GAS7: variants seen among roughly 807,000 people sequenced by gnomAD.
GAS7 encodes the protein growth arrest-specific protein 7.
GAS7 carries 28 observed loss-of-function variants against 71.1 expected under a neutral mutation model. The ratio of observed to expected loss-of-function variants is 0.39; its 90% CI spans 0.29 to 0.54. The LOEUF (loss-of-function observed/expected upper bound fraction) is 0.54. GAS7 is among the 20% of genes least tolerant of loss of function. The pLI, the probability that GAS7 is intolerant of heterozygous loss-of-function variation, is 0.62. For synonymous variants in GAS7, 258 were observed against 245.8 expected (o/e 1.05, Z -0.46); for missense variants, 436 against 627.8 (o/e 0.69, Z 3.27).
chr17:10,162,584 G>T (rs1023210622), intron 1 of GAS7, among the ~76,000 whole-genome samples: 1 of 152,084 alleles, frequency 6.6e-6, no homozygotes, highest in Non-Finnish European at 1.5e-5. Context: ...CATGTCACTG[G>T]CTATTTACTG....
chr17:10,094,037 G>C (rs1311726496), intron 1 of GAS7, among the ~76,000 whole-genome samples: 1 of 152,142 alleles, frequency 6.6e-6, no homozygotes, highest in East Asian at 1.9e-4. Context: ...TTGCAAATAG[G>C]GGACAACTCT....
rs189427821 is a variant in GAS7, at chr17:9,988,240, G to A, written c.305-6356C>T. 1.3e-3 allele frequency among the ~76,000 whole-genome samples: 195 copies of A among 152,322 alleles called. 1 individual carries two copies. Among genetic ancestry groups the A allele is most frequent in the Admixed American group, 1.6e-3 (25 of 15,300 alleles). On this transcript the variant is annotated intron_variant, in intron 2 of 13. Coordinates refer to ENST00000432992, the MANE Select transcript of GAS7 (RefSeq NM_201433.2). The stretch of plus-strand genomic sequence containing the variant: ...CCTTGCCCTGTAGTCCTCACAAGGA[G>A]GGTCTGCCTAGCTATGGCCAGGTTT...
chr17:10,126,394 GCA>G lies in GAS7; in HGVS notation c.183+71812_183+71813del, dbSNP rs566817469. On this transcript the variant is annotated intron_variant, in intron 1 of 13. Coordinates refer to ENST00000432992, the MANE Select transcript of GAS7 (RefSeq NM_201433.2). ...CACACACCCACACACTCACGCACAT[GCA>G]CACACAAACGTGCAAACACGCACAC... Among the ~76,000 whole-genome samples the G allele has an allele frequency of 4.0e-4, 49 of 122,132 alleles. 1 individual carries two copies. In the East Asian group the frequency reaches 0.012, roughly 31 times the overall value. The allele number at this position is 122,132 out of a possible 152,430, so 80.1% of individuals were successfully genotyped here.
intron 1 of GAS7, among the ~76,000 whole-genome samples, chr17:10,126,435 TGC>T (rs1491301704): frequency 6.8e-6 from 1 of 147,214 alleles, no homozygotes; most frequent in South Asian, 2.1e-4. Context: ...AACACGCAGA[TGC>T]ACACACGCGC....
At position 10,034,013 on chromosome 17, in the gene GAS7, C is replaced by A; in HGVS notation, c.184-14116G>T. 1.9e-6 allele frequency: 1 copy of A among 520,522 alleles called. No homozygotes were observed. Among genetic ancestry groups the A allele is most frequent in the Non-Finnish European group, 2.5e-6 (1 of 405,044 alleles). 32.2% of individuals were successfully genotyped at this position (520,522 alleles called of 1,614,324 possible). A position where few individuals can be genotyped will look rare whatever the true frequency, so the allele number is the denominator to read the frequency against. ...AGTAAGGGGTGCAATTCTCACCAAC[C>A]CGATTCAACTAACATTTCTGGAGCT... On this transcript the variant is annotated intron_variant, in intron 1 of 13. Transcript: ENST00000432992. The surrounding 1 kb of genome is among the most constrained non-coding windows in gnomAD (Gnocchi z 4.4).
At chr17:9,961,311 C>T (rs2069482866) in intron 4 of GAS7, among the ~76,000 whole-genome samples, 1 of 152,164 alleles carries the variant, frequency 6.6e-6, no homozygotes, top group South Asian at 2.1e-4. Context: ...CAGACGGAGG[C>T]TACATGGCAG....
At chr17:10,144,373 A>G (rs2142100340) in intron 1 of GAS7, among the ~76,000 whole-genome samples, 1 of 152,294 alleles carries the variant, frequency 6.6e-6, no homozygotes, top group South Asian at 2.1e-4. Flanking sequence ...AAGGGGAACA[A>G]CCATGCTCAG....
intron 1 of GAS7, among the ~76,000 whole-genome samples, chr17:10,170,814 G>A (rs193099799): frequency 6.6e-6 from 1 of 152,272 alleles, no homozygotes; most frequent in East Asian, 1.9e-4. Flanking sequence ...GAAAGAAAGT[G>A]GCCTTTTAAA....
chr17:10,193,553 G>A (rs185048541), intron 1 of GAS7, among the ~76,000 whole-genome samples: 27 of 152,290 alleles, frequency 1.8e-4, no homozygotes, highest in Admixed American at 5.2e-4. Context: ...TGGCAGAAAC[G>A]ATATGCCAGT....
rs1324002336 is a variant in GAS7 at position 9,915,304 on chromosome 17, A to T, written c.*1924T>A. On this transcript the variant is annotated 3_prime_UTR_variant, in exon 14 of 14. Transcript: ENST00000432992. ...AGGCTATTGGCTTTGAATGTTTGGAAATCATCCACAGAGTAGTTTACTAAG... is the reference window on the plus strand; with the variant it reads ...AGGCTATTGGCTTTGAATGTTTGGATATCATCCACAGAGTAGTTTACTAAG... The T allele has an allele frequency of 4.3e-6, 1 of 230,652 alleles. No homozygotes were observed. The highest frequency in any genetic ancestry group is 6.2e-5 in the East Asian group (1 of 16,176). 14.3% of individuals were successfully genotyped at this position (230,652 alleles called of 1,614,324 possible).
intron 3 of GAS7, among the ~76,000 whole-genome samples, chr17:9,975,008 G>A (rs989326064): frequency 1.3e-5 from 2 of 152,152 alleles, no homozygotes; most frequent in Non-Finnish European, 2.9e-5. Context: ...TGTAGGTCTG[G>A]CCTAATTTCT....
chr17:10,008,777 T>G (rs1567886305), intron 2 of GAS7, among the ~76,000 whole-genome samples: 1 of 152,080 alleles, frequency 6.6e-6, no homozygotes, highest in Non-Finnish European at 1.5e-5. Context: ...GCTCTCTCTC[T>G]CTCTCTCTCA....
intron 2 of GAS7, among the ~76,000 whole-genome samples, chr17:9,990,991 T>C (rs921737178): frequency 6.6e-6 from 1 of 152,206 alleles, no homozygotes; most frequent in African/African-American, 2.4e-5. Flanking sequence ...AAGTACGGGA[T>C]AGCAGTATAG....
intron 2 of GAS7, among the ~76,000 whole-genome samples, chr17:10,013,822 T>C (rs140331542): frequency 6.6e-6 from 1 of 152,326 alleles, no homozygotes; most frequent in African/African-American, 2.4e-5. Context: ...CCTGGATTCC[T>C]TGTATCTCTG....
intron 1 of GAS7, among the ~76,000 whole-genome samples, chr17:10,183,303 C>T (rs1370742208): frequency 1.3e-5 from 2 of 152,126 alleles, no homozygotes; most frequent in Non-Finnish European, 2.9e-5. Context: ...TAATGCTGCA[C>T]CAGACAGTCT....
chr17:9,943,639 G>A (rs978344480), intron 6 of GAS7, among the ~76,000 whole-genome samples: 6 of 152,296 alleles, frequency 3.9e-5, no homozygotes, highest in Admixed American at 2.0e-4. Flanking sequence ...GAGCTCAGGA[G>A]CAGGTACCCC....
intron 1 of GAS7, among the ~76,000 whole-genome samples, chr17:10,173,437 C>G (rs1305696393): frequency 6.6e-6 from 1 of 151,954 alleles, no homozygotes. Context: ...ATGAGTTTCC[C>G]GAAATCAGGG....
At chr17:10,111,551 ACAAAC>A (rs1567596372) in intron 1 of GAS7, among the ~76,000 whole-genome samples, 12 of 147,324 alleles carry the variant, frequency 8.1e-5, no homozygotes, top group Admixed American at 1.3e-4. Context: ...AAACAAACAA[ACAAAC>A]AAAAAACCAG....
intron 1 of GAS7, among the ~76,000 whole-genome samples, chr17:10,190,784 T>C (rs2142154023): frequency 6.6e-6 from 1 of 151,640 alleles, no homozygotes; most frequent in Non-Finnish European, 1.5e-5. Context: ...AGAAAAATTA[T>C]ATTGGGCCTC....
Sources: gnomAD v4.1 joint callset for allele counts (sites outside exome capture counted in the v4.1 genomes callset) on GRCh38, gnomAD v4.1.1 for gene constraint, Gnocchi (gnomAD v3.1) non-coding constraint, MANE v1.5 for transcripts, NCBI Gene and HGNC (gene_info 2026-07-23, HGNC 2026-07-21) for gene names.